Variants in NT5DC1 observed in about 807,000 individuals in gnomAD.
NT5DC1 encodes the protein 5'-nucleotidase domain containing 1.
NT5DC1 carries 42 observed loss-of-function variants against 59.4 expected under a neutral mutation model. The ratio of observed to expected loss-of-function variants is 0.71; its 90% CI spans 0.55 to 0.92. NT5DC1 has a LOEUF of 0.92. NT5DC1 is among the 40% of genes least tolerant of loss of function. The pLI is 0.00. For missense variants in NT5DC1, 501 were observed against 537.1 expected (o/e 0.93, Z 0.66); for synonymous variants, 172 against 188.1 (o/e 0.91, Z 0.70).
At chr6:116,121,370 G>A (rs188598435) in intron 6 of NT5DC1, 2 of 1,614,124 alleles carry the variant, frequency 1.2e-6, no homozygotes, top group East Asian at 2.2e-5. Flanking sequence ...TTGGGGACCT[G>A]GTGGGCCAAT....
At chr6:116,202,199 G>C (rs1383935996) in intron 6 of NT5DC1, among the ~76,000 whole-genome samples, 1 of 151,946 alleles carries the variant, frequency 6.6e-6, no homozygotes, top group East Asian at 1.9e-4. Context: ...TGTGATGCAG[G>C]CTCCCCTACC....
rs572988643 is a variant in NT5DC1 at position 116,229,332 on chromosome 6, C to T, written c.802+6201C>T. 1.6e-4 allele frequency among the ~76,000 whole-genome samples: 25 copies of T among 152,274 alleles called. 1 individual carries two copies. In the East Asian group the frequency reaches 4.4e-3, roughly 27 times the overall value. ...GTGTGAAATGGCACAATATTTAAGT[C>T]ATTGCTCCAAATGGTTAAAGTAAAG... On this transcript the variant is annotated intron_variant, in intron 8 of 11. Coordinates refer to ENST00000319550, the MANE Select transcript of NT5DC1 (RefSeq NM_152729.3).
chr6:116,117,316 T>C (rs771652046), intron 5 of NT5DC1, among the ~76,000 whole-genome samples: 2 of 152,208 alleles, frequency 1.3e-5, no homozygotes, highest in Non-Finnish European at 2.9e-5. Flanking sequence ...TATGTGTATA[T>C]GTAGCAGTGA....
intron 6 of NT5DC1, among the ~76,000 whole-genome samples, chr6:116,219,610 A>G (rs1182440575): frequency 6.6e-6 from 1 of 152,062 alleles, no homozygotes; most frequent in African/African-American, 2.4e-5. Context: ...GGCAGACCAC[A>G]ATATTTGCTA....
In NT5DC1 at chr6:116,238,250, G is replaced by C; in HGVS notation, c.985G>C (p.Glu329Gln). The C allele has an allele frequency of 6.2e-7, 1 of 1,612,586 alleles. No homozygotes were observed. Among genetic ancestry groups the C allele is most frequent in the Non-Finnish European group, 8.5e-7 (1 of 1,179,012 alleles). ...CCCAGCTCGTCACTATAGTAATTGG[G>C]AGACAGTCCTCATCCTGGAAGAACT... ...IFPARHYSNW[E>Q]TVLILEELRG... is the part of the protein sequence containing the mutation. The change falls in exon 10 of 12, where the codon GAG (glutamate) becomes CAG (glutamine). Residue 329 changes from glutamate (E) to glutamine (Q), a missense_variant. By Grantham distance (29) the Glu-to-Gln change is conservative. Coordinates refer to ENST00000319550, the MANE Select transcript of NT5DC1 (RefSeq NM_152729.3).
chr6:116,164,301 A>T (rs1780414337), intron 6 of NT5DC1, among the ~76,000 whole-genome samples: 1 of 151,992 alleles, frequency 6.6e-6, no homozygotes, highest in South Asian at 2.1e-4. Context: ...AGGATAGTTA[A>T]ATCTTCTTAT....
intron 6 of NT5DC1, among the ~76,000 whole-genome samples, chr6:116,204,960 A>ATG (rs1378593361): frequency 1.3e-5 from 2 of 151,974 alleles, no homozygotes. Context: ...ATACATGTAT[A>ATG]TGTGTGTGTA....
At chr6:116,225,343 C>G (rs1781887246) in intron 8 of NT5DC1, among the ~76,000 whole-genome samples, 2 of 152,010 alleles carry the variant, frequency 1.3e-5, no homozygotes, top group Non-Finnish European at 2.9e-5. Context: ...GTATTTGAAG[C>G]CAGGGGATTA....
rs974271230 is a variant in NT5DC1, at chr6:116,125,670, T to G, written c.529+7725T>G. On this transcript the variant is annotated intron_variant, in intron 6 of 11. Coordinates refer to ENST00000319550, the MANE Select transcript of NT5DC1 (RefSeq NM_152729.3). ...TAAATGAGAGATCATTTTTTAGTTA[T>G]GTGAATATATGTCTTAGTTATTTTT... is the stretch of plus-strand genomic sequence containing the variant. The G allele has an allele frequency of 1.1e-5, 6 of 560,298 alleles. No individual in the cohort carries two copies. The African/African-American group carries it at 1.1e-4, about 11-fold the overall frequency. The allele number at this position is 560,298 out of a possible 1,614,324, so 34.7% of individuals were successfully genotyped here.
chr6:116,218,938 G>C (rs1261288619), intron 6 of NT5DC1, among the ~76,000 whole-genome samples: 1 of 152,146 alleles, frequency 6.6e-6, no homozygotes, highest in Non-Finnish European at 1.5e-5. Context: ...ACCAGAGGTT[G>C]TCCAGAAGTT....
intron 6 of NT5DC1, chr6:116,121,047 G>C: frequency 6.2e-7 from 1 of 1,614,072 alleles, no homozygotes; most frequent in Non-Finnish European, 8.5e-7. Flanking sequence ...GGGCCTGGGA[G>C]ACCATGGCTA....
At chr6:116,168,494 C>T (rs376754015) in intron 6 of NT5DC1, among the ~76,000 whole-genome samples, 1 of 152,054 alleles carries the variant, frequency 6.6e-6, no homozygotes, top group East Asian at 1.9e-4. Flanking sequence ...TTTAGAGCTT[C>T]CTGAATTTAT....
intron 11 of NT5DC1, among the ~76,000 whole-genome samples, chr6:116,243,298 G>GT (rs570304104): frequency 1.3e-5 from 2 of 152,010 alleles, no homozygotes; most frequent in East Asian, 1.9e-4. Context: ...GGGCCTGGGA[G>GT]TTTTTTTTAA....
chr6:116,110,915 G>A lies in NT5DC1; in HGVS notation c.323G>A (p.Trp108Ter). The A allele has an allele frequency of 6.2e-7, 1 of 1,613,948 alleles. No individual in the cohort carries two copies. Among genetic ancestry groups the A allele is most frequent in the Non-Finnish European group, 8.5e-7 (1 of 1,179,840 alleles). ...GCAGAGGCATATGGCAAGAAAGAGT[G>A]GAAGCACTTCTTGTCGGACACTGGA... The part of the protein sequence containing the change: ...VLAEAYGKKE[W>*]KHFLSDTGMA... Residue 108 changes from tryptophan (W) to a stop codon, truncating the protein, a stop_gained, in exon 4 of 12, where the codon TGG (tryptophan) becomes TAG (stop). Transcript: ENST00000319550. LOFTEE classifies it high-confidence loss of function.
intron 6 of NT5DC1, among the ~76,000 whole-genome samples, chr6:116,155,844 G>A (rs561974829): frequency 4.6e-4 from 70 of 151,540 alleles, no homozygotes; most frequent in African/African-American, 1.6e-3. Context: ...AGCAGATACA[G>A]AGCTTATACA....
At chr6:116,192,953 C>A (rs996167330) in intron 6 of NT5DC1, among the ~76,000 whole-genome samples, 8 of 152,012 alleles carry the variant, frequency 5.3e-5, no homozygotes, top group East Asian at 3.9e-4. Context: ...AGTCAAAAGC[C>A]AGGATTGTTG....
intron 6 of NT5DC1, among the ~76,000 whole-genome samples, chr6:116,165,010 T>G (rs1182407228): frequency 6.9e-6 from 1 of 144,730 alleles, no homozygotes; most frequent in African/African-American, 2.6e-5. Context: ...GGCAGGAGAA[T>G]GGCGTGAACC....
intron 6 of NT5DC1, among the ~76,000 whole-genome samples, chr6:116,136,647 C>T (rs1235784623): frequency 1.3e-5 from 2 of 152,110 alleles, no homozygotes; most frequent in East Asian, 3.9e-4. Context: ...TCAGATGTGA[C>T]TTACTGTTCT....
chr6:116,162,152 T>A (rs1418016409), intron 6 of NT5DC1, among the ~76,000 whole-genome samples: 5 of 152,214 alleles, frequency 3.3e-5, no homozygotes, highest in Admixed American at 3.3e-4. Flanking sequence ...AGCAAAGTTA[T>A]TGATTAGGTC....
Sources: allele counts gnomAD v4.1 joint callset (sites outside exome capture counted in the v4.1 genomes callset), GRCh38; gene constraint gnomAD v4.1.1; transcripts MANE v1.5; gene names NCBI Gene and HGNC (gene_info 2026-07-23, HGNC 2026-07-21).